PRKCH: variants seen among roughly 807,000 people sequenced by gnomAD.
PRKCH encodes the protein protein kinase C eta, also known as protein kinase C eta type.
A neutral mutation model predicts 82.5 loss-of-function variants in PRKCH; 28 were observed. The ratio of observed to expected loss-of-function variants is 0.34; its 90% CI spans 0.25 to 0.47. The LOEUF (loss-of-function observed/expected upper bound fraction) is 0.47. PRKCH is among the 20% of genes least tolerant of loss of function. PRKCH has a pLI of 1.00. For synonymous variants in PRKCH, 322 were observed against 327.4 expected, an observed-to-expected ratio of 0.98 and a Z score of 0.18; for missense variants, 705 against 881.8, an observed-to-expected ratio of 0.80 and a Z score of 2.54.
intron 1 of PRKCH, among the ~76,000 whole-genome samples, chr14:61,294,016 G>A (rs749719864): frequency 3.3e-5 from 5 of 152,290 alleles, no homozygotes; most frequent in African/African-American, 7.2e-5. Flanking sequence ...GACAGTTCAC[G>A]TCAGTCAAAT....
intron 10 of PRKCH, among the ~76,000 whole-genome samples, chr14:61,519,989 A>G (rs140685230): frequency 1.2e-4 from 18 of 152,186 alleles, no homozygotes; most frequent in Middle Eastern, 3.4e-3. Context: ...CCTGGGTTCC[A>G]AAAGAAATCC....
chr14:61,236,312 C>T (rs1170787205), intron 1 of PRKCH, among the ~76,000 whole-genome samples: 1 of 152,176 alleles, frequency 6.6e-6, no homozygotes, highest in African/African-American at 2.4e-5. Context: ...ACCTACTGGA[C>T]TGCATTCCCA....
At chr14:61,267,775 T>C (rs2045116434) in intron 1 of PRKCH, among the ~76,000 whole-genome samples, 1 of 152,224 alleles carries the variant, frequency 6.6e-6, no homozygotes, top group African/African-American at 2.4e-5. Flanking sequence ...CTTGTTGTTA[T>C]GCTGTATAAT....
intron 10 of PRKCH, among the ~76,000 whole-genome samples, chr14:61,494,530 G>T (rs911916157): frequency 1.3e-5 from 2 of 152,222 alleles, no homozygotes; most frequent in Non-Finnish European, 2.9e-5. Context: ...GTTGCTGAAT[G>T]CCCCTAGCCC....
intron 1 of PRKCH, among the ~76,000 whole-genome samples, chr14:61,343,884 G>A (rs929200860): frequency 2.0e-5 from 3 of 152,100 alleles, no homozygotes; most frequent in Non-Finnish European, 4.4e-5. Flanking sequence ...TCCCTGGTCC[G>A]GGATCCTGAC....
intron 1 of PRKCH, among the ~76,000 whole-genome samples, chr14:61,225,210 C>T (rs75374062): frequency 0.014 from 2,136 of 152,338 alleles, 44 homozygotes; most frequent in African/African-American, 0.049. Context: ...TATTTGGATA[C>T]ATGCACACAG....
chr14:61,390,235 T>C (rs2046654573), intron 1 of PRKCH, among the ~76,000 whole-genome samples: 1 of 152,182 alleles, frequency 6.6e-6, no homozygotes, highest in Non-Finnish European at 1.5e-5. Flanking sequence ...GGCGCCATGC[T>C]GTATGGGGTC....
At chr14:61,460,928 T>G (rs1037908164) in intron 9 of PRKCH, among the ~76,000 whole-genome samples, 1 of 152,120 alleles carries the variant, frequency 6.6e-6, no homozygotes, top group Non-Finnish European at 1.5e-5. Context: ...ACATGCAGCC[T>G]GGAGAATGGG....
intron 1 of PRKCH, among the ~76,000 whole-genome samples, chr14:61,329,239 T>TTTCTTTTTTC (rs1244823706): frequency 1.8e-5 from 2 of 111,316 alleles, no homozygotes; most frequent in African/African-American, 7.0e-5. Flanking sequence ...TGAGTCTTTT[T>TTTCTTTTTTC]TTTTTTTTTT....
chr14:61,486,867 T>G (rs1394545576), intron 10 of PRKCH, among the ~76,000 whole-genome samples: 8 of 152,008 alleles, frequency 5.3e-5, no homozygotes, highest in Admixed American at 5.2e-4. Context: ...TAGAGAAAAA[T>G]TTTCGTATAT....
chr14:61,319,560 T>C (rs1234346557), upstream of PRKCH, among the ~76,000 whole-genome samples: 1 of 152,152 alleles, frequency 6.6e-6, no homozygotes, highest in African/African-American at 2.4e-5. Context: ...GACTGTTTTC[T>C]TTTTAAAATT....
Position 61,322,159 on chromosome 14 carries a change from G to A in PRKCH, c.58G>A (p.Val20Met). The change falls in exon 1 of 14, where the codon GTG becomes ATG. Residue 20 changes from valine (V) to methionine (M), a missense_variant. Val to Met is a conservative substitution (Grantham distance 21, BLOSUM62 1). Around this residue, in one of 5 missense-constraint regions of PRKCH, gnomAD observed 246 missense variants for 308.0 expected, o/e 0.80. Transcript: ENST00000332981. ...TTTGAGGGTCCGCATCGGTGAGGCAGTGGGGCTGCAGCCCACCCGCTGGTC... is the reference window on the plus strand; with the variant it reads ...TTTGAGGGTCCGCATCGGTGAGGCAATGGGGCTGCAGCCCACCCGCTGGTC... ...GYLRVRIGEA[V>M]GLQPTRWSLR... The A allele has an allele frequency of 2.5e-6, 4 of 1,609,418 alleles. No homozygotes were observed. Among genetic ancestry groups the A allele is most frequent in the African/African-American group, 1.3e-5 (1 of 74,928 alleles).
chr14:61,487,231 C>T (rs374761367), intron 10 of PRKCH, among the ~76,000 whole-genome samples: 6 of 152,136 alleles, frequency 3.9e-5, no homozygotes, highest in South Asian at 2.1e-4. Context: ...CACAGCCTCA[C>T]GGCACTGTGC....
intron 10 of PRKCH, among the ~76,000 whole-genome samples, chr14:61,521,108 T>G (rs10140581): frequency 0.27 from 41,785 of 152,092 alleles, 6,329 homozygotes; most frequent in African/African-American, 0.4. Context: ...AGAAAAGTAT[T>G]TTACTGTATA....
chr14:61,405,654 A>G (rs1228060085), intron 2 of PRKCH, among the ~76,000 whole-genome samples: 2 of 152,216 alleles, frequency 1.3e-5, no homozygotes, highest in Admixed American at 6.5e-5. Context: ...CTGGGATTAT[A>G]GGTGAGCGCC....
At chr14:61,218,299 C>A (rs1393826655) in intron 1 of PRKCH, among the ~76,000 whole-genome samples, 2 of 152,176 alleles carry the variant, frequency 1.3e-5, no homozygotes, top group African/African-American at 4.8e-5. Context: ...CGTTACCTTT[C>A]AACCCTATAC....
intron 2 of PRKCH, among the ~76,000 whole-genome samples, chr14:61,416,049 TTTTC>T (rs1424126631): frequency 1.2e-4 from 9 of 74,636 alleles, no homozygotes; most frequent in African/African-American, 4.5e-4. Context: ...TTTTCTTTTC[TTTTC>T]TTTTTTTTTT....
Position 61,386,117 on chromosome 14 carries a change from C to G in PRKCH, c.364-5108C>G, listed in dbSNP as rs2046583646. On this transcript the variant is annotated intron_variant, in intron 1 of 13. Coordinates refer to ENST00000332981, the MANE Select transcript of PRKCH (RefSeq NM_006255.5). ...GCTTGATCCATAATGCGTTTGGTTG[C>G]TCTCTCAGAATAAATGAAATAACAT... is the stretch of plus-strand genomic sequence containing the variant. Among the ~76,000 whole-genome samples, 4 of 152,302 alleles carry G rather than the reference C, an allele frequency of 2.6e-5. No homozygotes were observed. In the South Asian group the frequency reaches 8.3e-4, roughly 32 times the overall value.
At chr14:61,331,461 G>A (rs962411822) in intron 1 of PRKCH, among the ~76,000 whole-genome samples, 3 of 152,182 alleles carry the variant, frequency 2.0e-5, no homozygotes, top group East Asian at 1.9e-4. Context: ...CAAGGCTGCA[G>A]TGAGAGCTAT....
Sources: gnomAD v4.1 joint callset for allele counts (sites outside exome capture counted in the v4.1 genomes callset) on GRCh38, gnomAD v4.1.1 for gene constraint, gnomAD v4.1.1 regional missense constraint, MANE v1.5 for transcripts, NCBI Gene and HGNC (gene_info 2026-07-23, HGNC 2026-07-21) for gene names.